The following C17orf67 variants were observed in gnomAD, a reference collection of about 807,000 sequenced individuals.
The protein encoded by C17orf67 is uncharacterized protein C17orf67.
A neutral mutation model predicts 11.2 loss-of-function variants in C17orf67; 12 were observed. The ratio of observed to expected loss-of-function variants is 1.07; its 90% CI spans 0.68 to 1.73. The LOEUF (loss-of-function observed/expected upper bound fraction) is 1.73, where lower values mean the gene tolerates loss of function less well. Ranked by LOEUF, C17orf67 falls within the 40% of genes most tolerant of loss-of-function variation. The probability of loss-of-function intolerance (pLI) is 0.00; values close to 1 mark genes in which losing one functional copy is unlikely to be tolerated. For missense variants in C17orf67, 115 were observed against 113.5 expected, an observed-to-expected ratio of 1.01 and a Z score of -0.06; for synonymous variants, 59 against 46.9, an observed-to-expected ratio of 1.26 and a Z score of -1.05.
chr17:56,805,971 C>CTTTTTTT (rs10684052), intron 6 of C17orf67, among the ~76,000 whole-genome samples: 4 of 98,022 alleles, frequency 4.1e-5, no homozygotes, highest in Admixed American at 1.4e-4. Context: ...GTTGATTTTC[C>CTTTTTTT]TTTTTTTTTT....
intron 7 of C17orf67, among the ~76,000 whole-genome samples, chr17:56,793,999 A>G (rs1905163410): frequency 6.6e-6 from 1 of 152,120 alleles, no homozygotes; most frequent in Non-Finnish European, 1.5e-5. Context: ...ATGCCCACAC[A>G]CACACAGGAC....
Position 56,795,034 on chromosome 17 carries a change from G to A in C17orf67, c.*20+10C>T. On this transcript the variant is annotated intron_variant, in intron 7 of 7. Coordinates refer to ENST00000397861, the MANE Select transcript of C17orf67 (RefSeq NM_001085430.4). ...TCAGACAGAGGTCCGGGAGAGAGAA[G>A]GAGACGTACCGAGGCTGGTCCTGAT... 1.3e-6 allele frequency: 2 copies of A among 1,576,650 alleles called. No homozygotes were observed. The highest frequency in any genetic ancestry group is 1.7e-6 in the Non-Finnish European group (2 of 1,146,746).
intron 6 of C17orf67, among the ~76,000 whole-genome samples, chr17:56,796,154 T>C (rs778713145): frequency 6.6e-6 from 1 of 152,168 alleles, no homozygotes; most frequent in Non-Finnish European, 1.5e-5. Flanking sequence ...AACCTAGAAT[T>C]ACCATTCGTA....
At chr17:56,824,327 A>G (rs756468837) in intron 4 of C17orf67, among the ~76,000 whole-genome samples, 1 of 152,220 alleles carries the variant, frequency 6.6e-6, no homozygotes, top group Non-Finnish European at 1.5e-5. Flanking sequence ...AGCCCTCACC[A>G]GAGGCTGCCA....
At position 56,825,228 on chromosome 17, in the gene C17orf67, A is replaced by T. The variant is rs1905997893; in HGVS notation, c.-463T>A. Reference sequence around the variant, plus strand: ...ACTCTGCGGTACCCTAAATGGTTGAAGAGCATCACAAACTTTGGCATCAGA... The same window carrying T: ...ACTCTGCGGTACCCTAAATGGTTGATGAGCATCACAAACTTTGGCATCAGA... On this transcript the variant is annotated 5_prime_UTR_variant, in exon 3 of 8. Coordinates refer to ENST00000397861, the MANE Select transcript of C17orf67 (RefSeq NM_001085430.4). The T allele has an allele frequency of 6.6e-6, 1 of 152,234 alleles. No individual in the cohort carries two copies. Among genetic ancestry groups the T allele is most frequent in the African/African-American group, 2.4e-5 (1 of 41,464 alleles). 9.4% of individuals were successfully genotyped at this position (152,234 alleles called of 1,614,324 possible). A position where few individuals can be genotyped will look rare whatever the true frequency, so the allele number is the denominator to read the frequency against.
chr17:56,829,693 C>A (rs915616120), intron 2 of C17orf67, among the ~76,000 whole-genome samples: 1 of 152,214 alleles, frequency 6.6e-6, no homozygotes, highest in Non-Finnish European at 1.5e-5. Flanking sequence ...CCAGCTCCTT[C>A]ATGGTTGATT....
intron 6 of C17orf67, among the ~76,000 whole-genome samples, chr17:56,813,053 G>C (rs563259607): frequency 7.2e-5 from 11 of 152,298 alleles, no homozygotes; most frequent in Non-Finnish European, 1.5e-4. Flanking sequence ...GCAGATGTGG[G>C]AGTCATTAGA....
chr17:56,827,438 C>T (rs1204564738), intron 2 of C17orf67, among the ~76,000 whole-genome samples: 1 of 152,212 alleles, frequency 6.6e-6, no homozygotes, highest in Non-Finnish European at 1.5e-5. Flanking sequence ...CTTAGAAATG[C>T]AGGTTATCAG....
At chr17:56,798,469 A>C (rs947655346) in intron 6 of C17orf67, among the ~76,000 whole-genome samples, 2 of 152,028 alleles carry the variant, frequency 1.3e-5, no homozygotes, top group Admixed American at 6.6e-5. Context: ...CAGTTGATGC[A>C]CCTGCATTGA....
chr17:56,814,797 A>C, intron 6 of C17orf67, 72 bp downstream of exon 6: 1 of 1,431,008 alleles, frequency 7.0e-7, no homozygotes, highest in East Asian at 2.3e-5. Flanking sequence ...GCTGGGACCA[A>C]CACCTAGTTT....
chr17:56,822,998 G>C (rs116946601), intron 4 of C17orf67, among the ~76,000 whole-genome samples: 8,627 of 152,304 alleles, frequency 0.057, 289 homozygotes, highest in Admixed American at 0.1. Context: ...GCCAAGGTCA[G>C]CATCATGTTC....
chr17:56,820,434 A>G (rs1310399506), intron 4 of C17orf67, among the ~76,000 whole-genome samples: 1 of 152,136 alleles, frequency 6.6e-6, no homozygotes, highest in Non-Finnish European at 1.5e-5. Flanking sequence ...GCACACTCTC[A>G]CACACCCACC....
intron 6 of C17orf67, 71 bp downstream of exon 6, chr17:56,814,798 C>CA: frequency 6.9e-7 from 1 of 1,439,308 alleles, no homozygotes; most frequent in Non-Finnish European, 9.8e-7. Flanking sequence ...CTGGGACCAA[C>CA]ACCTAGTTTC....
Position 56,825,239 on chromosome 17 carries a change from A to C in C17orf67, c.-474T>G, listed in dbSNP as rs552322075. ...CCCTAAATGGTTGAAGAGCATCACA[A>C]ACTTTGGCATCAGATAAACCTAAGT... On this transcript the variant is annotated 5_prime_UTR_variant, in exon 3 of 8. Coordinates refer to ENST00000397861, the MANE Select transcript of C17orf67 (RefSeq NM_001085430.4). The C allele has an allele frequency of 6.6e-6, 1 of 152,308 alleles. No homozygotes were observed. The highest frequency in any genetic ancestry group is 2.4e-5 in the African/African-American group (1 of 41,568). 9.4% of individuals were successfully genotyped at this position (152,308 alleles called of 1,614,324 possible).
At chr17:56,813,029 G>GA (rs1356749851) in intron 6 of C17orf67, among the ~76,000 whole-genome samples, 1 of 152,192 alleles carries the variant, frequency 6.6e-6, no homozygotes, top group Non-Finnish European at 1.5e-5. Flanking sequence ...TGCTGGCACA[G>GA]AAAATGTCAG....
chr17:56,815,926 G>A lies in C17orf67; in HGVS notation c.-116C>T, dbSNP rs764278985. 84 of 1,565,822 alleles carry A rather than the reference G, an allele frequency of 5.4e-5. No individual in the cohort carries two copies. The highest frequency in any genetic ancestry group is 8.1e-5 in the African/African-American group (6 of 74,050). ...TTATGCTTTGACTAACGGGACTTAC[G>A]GTATGATGCTGAATGTATCTGACTC... On this transcript the variant is annotated 5_prime_UTR_variant, in exon 5 of 8. Transcript: ENST00000397861.
intron 6 of C17orf67, among the ~76,000 whole-genome samples, chr17:56,803,647 C>T (rs1324804216): frequency 6.6e-6 from 1 of 152,214 alleles, no homozygotes; most frequent in Non-Finnish European, 1.5e-5. Context: ...TCCCTATAAT[C>T]TTGCTAAATC....
At chr17:56,800,424 G>A (rs997981909) in intron 6 of C17orf67, among the ~76,000 whole-genome samples, 1 of 152,046 alleles carries the variant, frequency 6.6e-6, no homozygotes, top group Non-Finnish European at 1.5e-5. Context: ...ATGTCTGTAT[G>A]CCTCCCACTG....
chr17:56,814,723 A>G (rs1905712881), intron 6 of C17orf67, 146 bp downstream of exon 6: 2 of 772,220 alleles, frequency 2.6e-6, no homozygotes, highest in East Asian at 5.0e-5. Context: ...TGCATAGGTA[A>G]AAGATTGAGA....
Sources: gnomAD v4.1 joint callset for allele counts (sites outside exome capture counted in the v4.1 genomes callset) on GRCh38, gnomAD v4.1.1 for gene constraint, MANE v1.5 for transcripts, NCBI Gene and HGNC (gene_info 2026-07-23, HGNC 2026-07-21) for gene names.